The following RBFOX3 variants were observed in gnomAD, a reference collection of about 807,000 sequenced individuals.
RBFOX3 encodes RNA binding protein fox-1 homolog 3.
RBFOX3 carries 17 observed loss-of-function variants against 48.7 expected under a neutral mutation model. The observed-to-expected ratio is 0.35, with a 90% CI of 0.24 to 0.52. RBFOX3 has a LOEUF of 0.52. Ranked by LOEUF, RBFOX3 falls within the 20% of genes least tolerant of loss-of-function variation. RBFOX3 has a pLI of 0.94. For missense variants in RBFOX3, 382 were observed against 497.5 expected (o/e 0.77, Z 2.21); for synonymous variants, 212 against 209.5 (o/e 1.01, Z -0.10).
chr17:79,147,672 A>C (rs1049927963), intron 4 of RBFOX3, among the ~76,000 whole-genome samples: 1 of 152,228 alleles, frequency 6.6e-6, no homozygotes, highest in Non-Finnish European at 1.5e-5. Flanking sequence ...CGTGGAGCCC[A>C]ATCAGCCTTG....
rs536762580 is a variant in RBFOX3 at position 79,276,413 on chromosome 17, C to T, written c.-74+31311G>A. ...AAAAATAATGTTTCTTGACCAGGCG[C>T]GGTGGTTCACGCCTATAATCCCAGC... is the stretch of plus-strand genomic sequence containing the variant. On this transcript the variant is annotated intron_variant, in intron 3 of 14. Coordinates refer to ENST00000693108, the MANE Select transcript of RBFOX3 (RefSeq NM_001350451.2). 5.6e-4 allele frequency among the ~76,000 whole-genome samples: 85 copies of T among 152,198 alleles called. 1 individual carries two copies. Among genetic ancestry groups the T allele is most frequent in the African/African-American group, 1.8e-3 (73 of 41,428 alleles).
intron 1 of RBFOX3, among the ~76,000 whole-genome samples, chr17:79,510,919 G>A (rs2149844754): frequency 6.6e-6 from 1 of 152,186 alleles, no homozygotes; most frequent in South Asian, 2.1e-4. Flanking sequence ...ATCCTAGGGA[G>A]AAGGAGAGGG....
the RBFOX3 span, among the ~76,000 whole-genome samples, chr17:79,645,538 C>T: frequency 1.5e-3 from 223 of 152,306 alleles, no homozygotes; most frequent in African/African-American, 5.3e-3. Flanking sequence ...TCATACCTTC[C>T]AGCTGCCCCT....
At chr17:79,487,008 T>C (rs1414881763) in intron 1 of RBFOX3, among the ~76,000 whole-genome samples, 1 of 152,198 alleles carries the variant, frequency 6.6e-6, no homozygotes, top group African/African-American at 2.4e-5. Flanking sequence ...TCTGGACTGC[T>C]ATAAAGTGTC....
At chr17:79,645,923 G>A in the RBFOX3 span, among the ~76,000 whole-genome samples, 3 of 152,098 alleles carry the variant, frequency 2.0e-5, no homozygotes, top group Non-Finnish European at 4.4e-5. Flanking sequence ...GCAATAATTC[G>A]ACATCCTTGA....
At chr17:79,180,438 G>A (rs968734330) in intron 4 of RBFOX3, among the ~76,000 whole-genome samples, 2 of 152,196 alleles carry the variant, frequency 1.3e-5, no homozygotes, top group African/African-American at 4.8e-5. Flanking sequence ...GTTATCAAAT[G>A]TGCTGTTGAG....
chr17:79,493,999 G>A (rs1162624338), intron 1 of RBFOX3, among the ~76,000 whole-genome samples: 5 of 152,118 alleles, frequency 3.3e-5, no homozygotes, highest in South Asian at 2.1e-4. Context: ...AGCTGGATAC[G>A]GTGGTGCATG....
Position 79,096,646 on chromosome 17 carries a change from C to T in RBFOX3, c.936+7G>A, listed in dbSNP as rs1053050630. The T allele has an allele frequency of 1.0e-5, 14 of 1,359,302 alleles. No individual in the cohort carries two copies. In the East Asian group the frequency reaches 1.3e-4, roughly 12 times the overall value. 84.2% of individuals were successfully genotyped at this position (1,359,302 alleles called of 1,614,324 possible). On this transcript the variant is annotated splice_region_variant and intron_variant, in intron 12 of 14. Coordinates refer to ENST00000693108, the MANE Select transcript of RBFOX3 (RefSeq NM_001350451.2). ...CCCACCCTCCCTCCCGGCGGGGCTA[C>T]ACTTACATAAATCTCAGCACCATAA...
chr17:79,159,690 T>C (rs1318823227), intron 4 of RBFOX3, among the ~76,000 whole-genome samples: 1 of 152,164 alleles, frequency 6.6e-6, no homozygotes, highest in Non-Finnish European at 1.5e-5. Context: ...TGCCCGCAGC[T>C]GGGGGACACA....
At chr17:79,623,926 G>A in the RBFOX3 span, among the ~76,000 whole-genome samples, 221 of 152,262 alleles carry the variant, frequency 1.5e-3, no homozygotes, top group South Asian at 2.5e-3. Context: ...GCTCCGCAGG[G>A]TGAGGGCTTC....
Position 79,365,957 on chromosome 17 carries a change from C to T in RBFOX3, c.-174-58133G>A, listed in dbSNP as rs147984654. On this transcript the variant is annotated intron_variant, in intron 2 of 14. Transcript: ENST00000693108. ...CTTGCACCAAAGACGCCATCAGCGT[C>T]ATGACCACGCCACGGATGTCCTGCC... 2.6e-5 allele frequency among the ~76,000 whole-genome samples: 4 copies of T among 152,346 alleles called. No homozygotes were observed. In the East Asian group the frequency reaches 7.7e-4, roughly 29 times the overall value.
At chr17:79,107,558 A>G (rs1297796813) in intron 5 of RBFOX3, among the ~76,000 whole-genome samples, 1 of 152,122 alleles carries the variant, frequency 6.6e-6, no homozygotes, top group Non-Finnish European at 1.5e-5. Flanking sequence ...TCTCCAGTGG[A>G]CTGGCCGTGA....
At chr17:79,325,829 A>G (rs1179737231) in intron 2 of RBFOX3, among the ~76,000 whole-genome samples, 1 of 152,088 alleles carries the variant, frequency 6.6e-6, no homozygotes, top group Non-Finnish European at 1.5e-5. Context: ...TTACAGGGCG[A>G]GGCTGTGCGG....
chr17:79,378,614 C>T (rs867328390), intron 2 of RBFOX3, among the ~76,000 whole-genome samples: 4 of 152,096 alleles, frequency 2.6e-5, no homozygotes, highest in African/African-American at 9.7e-5. Flanking sequence ...GGTGCTGGGG[C>T]TGTGTGGGGG....
At chr17:79,414,341 C>T (rs1329150572) in intron 2 of RBFOX3, among the ~76,000 whole-genome samples, 1 of 152,182 alleles carries the variant, frequency 6.6e-6, no homozygotes, top group African/African-American at 2.4e-5. Flanking sequence ...GGGTAATGTA[C>T]AGCGAGTTCC....
chr17:79,558,852 G>A (rs2091972889), intron 1 of RBFOX3, among the ~76,000 whole-genome samples: 6 of 152,142 alleles, frequency 3.9e-5, no homozygotes. Context: ...GGGATGCAGG[G>A]CCAGCATGGA....
At chr17:79,187,581 AG>A (rs1246166041) in intron 4 of RBFOX3, among the ~76,000 whole-genome samples, 1 of 151,664 alleles carries the variant, frequency 6.6e-6, no homozygotes, top group Non-Finnish European at 1.5e-5. Context: ...AGATCTCCAC[AG>A]TGGGGTGGGG....
chr17:79,137,304 T>TAC (rs144038822), intron 4 of RBFOX3, among the ~76,000 whole-genome samples: 15 of 151,688 alleles, frequency 9.9e-5, no homozygotes, highest in Non-Finnish European at 1.6e-4. Context: ...TGTACACGTG[T>TAC]ACACACACAC....
At chr17:79,141,253 A>C (rs2144212301) in intron 4 of RBFOX3, among the ~76,000 whole-genome samples, 1 of 152,278 alleles carries the variant, frequency 6.6e-6, no homozygotes, top group East Asian at 1.9e-4. Flanking sequence ...ACCTAAGATT[A>C]GTGTGATTGG....
Sources: allele counts gnomAD v4.1 joint callset (sites outside exome capture counted in the v4.1 genomes callset), GRCh38; gene constraint gnomAD v4.1.1; transcripts MANE v1.5; gene names NCBI Gene and HGNC (gene_info 2026-07-23, HGNC 2026-07-21).